URI1: variants seen among roughly 807,000 people sequenced by gnomAD.
URI1 encodes the protein unconventional prefoldin RPB5 interactor 1.
URI1 carries 39 observed loss-of-function variants against 60.2 expected under a neutral mutation model. The observed-to-expected ratio is 0.65, with a 90% confidence interval of 0.50 to 0.85. The LOEUF is 0.85. Ranked by LOEUF, URI1 falls within the 40% of genes least tolerant of loss-of-function variation. The pLI is 0.00. For synonymous variants in URI1, 251 were observed against 236.8 expected (o/e 1.06, Z -0.55); for missense variants, 691 against 665.9 (o/e 1.04, Z -0.42).
At position 29,948,703 on chromosome 19, in the gene URI1, T is replaced by C. The variant is rs549722557; in HGVS notation, c.117+6039T>C. On this transcript the variant is annotated intron_variant, in intron 1 of 10. Coordinates refer to ENST00000392271, the MANE Select transcript of URI1 (RefSeq NM_003796.3). ...GCATCCCAAGGCAGAAGAATTTTTC[T>C]TAGTACAGAACAAAATGTAGTCTCC... Among the ~76,000 whole-genome samples, 12 of 152,338 alleles carry C rather than the reference T, an allele frequency of 7.9e-5. 1 individual carries two copies. The South Asian group carries it at 2.5e-3, about 32-fold the overall frequency.
intron 1 of URI1, chr19:29,957,067 A>G (rs1184340841): frequency 2.8e-5 from 15 of 535,804 alleles, no homozygotes; most frequent in South Asian, 2.5e-4. Flanking sequence ...TCATTTTGTC[A>G]TTTTCCTGCT....
intron 4 of URI1, among the ~76,000 whole-genome samples, chr19:29,986,720 T>TA (rs2055675220): frequency 6.6e-6 from 1 of 152,212 alleles, no homozygotes; most frequent in South Asian, 2.1e-4. Context: ...AGTCATTTTA[T>TA]ACCTTATAAT....
chr19:29,958,197 GTTC>G (rs1377544767), intron 1 of URI1: 2 of 151,450 alleles, frequency 1.3e-5, no homozygotes, highest in African/African-American at 4.9e-5. Flanking sequence ...ATTCATTCCA[GTTC>G]TTAAGTTTTT....
At position 30,014,963 on chromosome 19, in the gene URI1, C is replaced by T; in HGVS notation, c.1502C>T (p.Ala501Val). 2 of 1,613,848 alleles carry T rather than the reference C, an allele frequency of 1.2e-6. No individual in the cohort carries two copies. The highest frequency in any genetic ancestry group is 1.7e-6 in the Non-Finnish European group (2 of 1,179,780). ...LTPPPAIAHP[A>V]LPTIPERKEV... ...CCACCCCCAGCCATTGCTCATCCCG[C>T]ACTACCCACTATTCCAGAACGAAAG... Residue 501 changes from alanine (A) to valine (V), a missense_variant, in exon 11 of 11, where the codon GCA (alanine) becomes GTA (valine). Ala to Val is a moderately conservative substitution (Grantham distance 64). Coordinates refer to ENST00000392271, the MANE Select transcript of URI1 (RefSeq NM_003796.3).
chr19:29,939,204 C>T (rs185829125), upstream of URI1, among the ~76,000 whole-genome samples: 14 of 150,470 alleles, frequency 9.3e-5, no homozygotes, highest in African/African-American at 2.4e-4. Context: ...CTTGAACTCC[C>T]GACCTGAGGT....
intron 10 of URI1, 58 bp downstream of exon 10, chr19:30,012,589 C>A: frequency 6.4e-7 from 1 of 1,554,190 alleles, no homozygotes; most frequent in Non-Finnish European, 8.7e-7. Context: ...CCAGTTTTAG[C>A]TATTTAATCT....
chr19:30,000,144 C>T (rs2055860285), intron 4 of URI1, among the ~76,000 whole-genome samples: 1 of 151,772 alleles, frequency 6.6e-6, no homozygotes, highest in Admixed American at 6.6e-5. Context: ...TATGTAATTC[C>T]ATTTTGTTCT....
At chr19:29,979,386 T>G (rs554518687) in intron 2 of URI1, among the ~76,000 whole-genome samples, 1 of 152,326 alleles carries the variant, frequency 6.6e-6, no homozygotes, top group South Asian at 2.1e-4. Flanking sequence ...AAAGGTTTTT[T>G]GCTTTGAATT....
Position 30,015,185 on chromosome 19 carries a change from G to T in URI1, c.*116G>T. The T allele has an allele frequency of 6.9e-7, 1 of 1,451,864 alleles. No homozygotes were observed. The allele number at this position is 1,451,864 out of a possible 1,614,324, so 89.9% of individuals were successfully genotyped here. A position where few individuals can be genotyped will look rare whatever the true frequency, so the allele number is the denominator to read the frequency against. On this transcript the variant is annotated 3_prime_UTR_variant, in exon 11 of 11. Transcript: ENST00000392271. ...AAATAAGGTATCCTGAGTTACTTTG[G>T]CAACAAGTTCTTTTACCCTTACCCG...
chr19:29,942,558 C>A lies in URI1; in HGVS notation c.11C>A (p.Pro4His). 7.0e-7 allele frequency: 1 copy of A among 1,418,574 alleles called. No homozygotes were observed. The highest frequency in any genetic ancestry group is 9.2e-7 in the Non-Finnish European group (1 of 1,087,218). 87.9% of individuals were successfully genotyped at this position (1,418,574 alleles called of 1,614,324 possible). A position where few individuals can be genotyped will look rare whatever the true frequency, so the allele number is the denominator to read the frequency against. ...GCCCGCGGGCCCGTCATGGAGGCGCCCACCGTGGAGACGCCCCCCGACCCC... is the reference window on the plus strand; with the variant it reads ...GCCCGCGGGCCCGTCATGGAGGCGCACACCGTGGAGACGCCCCCCGACCCC... The part of the protein sequence containing the change: MEA[P>H]TVETPPDPSP... Residue 4 changes from proline to histidine, a missense_variant, in exon 1 of 11, where the codon CCC becomes CAC. Coordinates refer to ENST00000392271, the MANE Select transcript of URI1 (RefSeq NM_003796.3).
intron 2 of URI1, among the ~76,000 whole-genome samples, chr19:29,984,079 G>T (rs958169372): frequency 7.9e-5 from 12 of 152,136 alleles, no homozygotes; most frequent in Non-Finnish European, 1.5e-4. Flanking sequence ...CAAATTTCAT[G>T]TTCATGATTT....
chr19:29,936,648 C>CT (rs1041165055), intron 1 of URI1, among the ~76,000 whole-genome samples: 1 of 152,194 alleles, frequency 6.6e-6, no homozygotes, highest in Non-Finnish European at 1.5e-5. Context: ...CTTCAAATTT[C>CT]TTTTTCTGTC....
intron 1 of URI1, among the ~76,000 whole-genome samples, chr19:29,961,576 T>C (rs564772089): frequency 1.1e-4 from 17 of 152,126 alleles, no homozygotes; most frequent in Non-Finnish European, 2.2e-4. Context: ...TTAGCATCCA[T>C]GGATACTTGG....
chr19:29,968,833 A>G (rs879296661), intron 1 of URI1, among the ~76,000 whole-genome samples: 2 of 151,628 alleles, frequency 1.3e-5, no homozygotes, highest in Non-Finnish European at 2.9e-5. Context: ...AGCCTCCCAA[A>G]GTGCTGGGAT....
chr19:29,989,382 C>T (rs997088070), intron 4 of URI1, among the ~76,000 whole-genome samples: 9 of 148,756 alleles, frequency 6.1e-5, no homozygotes, highest in South Asian at 2.1e-4. Context: ...GAAAGTGCTG[C>T]GATTACAGGC....
intron 1 of URI1, among the ~76,000 whole-genome samples, chr19:29,967,024 A>G (rs1457456649): frequency 6.6e-6 from 1 of 152,200 alleles, no homozygotes; most frequent in African/African-American, 2.4e-5. Context: ...AACTTGCCTT[A>G]GAAACTCATA....
Position 30,005,717 on chromosome 19 carries a change from T to C in URI1, c.517+9T>C. Reference sequence around the variant, plus strand: ...TGACTTCGAATTTAAAGGTAAGCAGTAAGATTGTTTTATGTGTAGCTGTTT... The same window carrying C: ...TGACTTCGAATTTAAAGGTAAGCAGCAAGATTGTTTTATGTGTAGCTGTTT... On this transcript the variant is annotated intron_variant, in intron 6 of 10. Coordinates refer to ENST00000392271, the MANE Select transcript of URI1 (RefSeq NM_003796.3). 6.2e-7 allele frequency: 1 copy of C among 1,608,108 alleles called. No homozygotes were observed. The highest frequency in any genetic ancestry group is 8.5e-7 in the Non-Finnish European group (1 of 1,177,560).
intron 4 of URI1, among the ~76,000 whole-genome samples, chr19:30,002,888 TG>T (rs981061223): frequency 6.6e-6 from 1 of 152,008 alleles, no homozygotes; most frequent in African/African-American, 2.4e-5. Flanking sequence ...ATAATTTCAG[TG>T]TGGTTTGAAA....
chr19:29,998,413 ATATTCATGTCTC>A (rs1012724012), intron 4 of URI1, among the ~76,000 whole-genome samples: 1 of 151,890 alleles, frequency 6.6e-6, no homozygotes, highest in African/African-American at 2.4e-5. Flanking sequence ...TGAAAAGGGG[ATATTCATGTCTC>A]CTCCAGCTAT....
Sources: allele counts gnomAD v4.1 joint callset (sites outside exome capture counted in the v4.1 genomes callset), GRCh38; gene constraint gnomAD v4.1.1; transcripts MANE v1.5; gene names NCBI Gene and HGNC (gene_info 2026-07-23, HGNC 2026-07-21).